C18orf63: variants seen among roughly 807,000 people sequenced by gnomAD.
The protein encoded by C18orf63 is chromosome 18 open reading frame 63.
Under a neutral mutation model 75.3 loss-of-function variants are expected in C18orf63, and 50 were observed. That is an observed-to-expected ratio of 0.66 (90% CI 0.53 to 0.84). The LOEUF is 0.84. Ranked by LOEUF, C18orf63 falls within the 40% of genes least tolerant of loss-of-function variation. C18orf63 has a pLI of 0.00. For synonymous variants in C18orf63, 232 were observed against 267.6 expected, an observed-to-expected ratio of 0.87 and a Z score of 1.30; for missense variants, 732 against 800.2, an observed-to-expected ratio of 0.91 and a Z score of 1.03.
chr18:74,335,633 T>A (rs533225851), intron 7 of C18orf63, among the ~76,000 whole-genome samples: 41 of 152,262 alleles, frequency 2.7e-4, no homozygotes, highest in African/African-American at 9.9e-4. Flanking sequence ...TTAAACTGTT[T>A]GCTTTGAAAT....
intron 13 of C18orf63, among the ~76,000 whole-genome samples, chr18:74,355,582 A>T (rs924353478): frequency 2.6e-5 from 4 of 152,060 alleles, no homozygotes; most frequent in Admixed American, 2.6e-4. Flanking sequence ...GGAGTTCCAG[A>T]CCAGCCTGGG....
intron 3 of C18orf63, among the ~76,000 whole-genome samples, chr18:74,320,793 A>T (rs1984107926): frequency 6.6e-6 from 1 of 152,168 alleles, no homozygotes; most frequent in African/African-American, 2.4e-5. Flanking sequence ...TTCTAATTTA[A>T]CATTTATTTT....
rs1317703179 is a variant in C18orf63, at chr18:74,341,124, C to T, written c.612-908C>T. Among the ~76,000 whole-genome samples the T allele has an allele frequency of 6.6e-5, 10 of 151,360 alleles. No homozygotes were observed. The East Asian group carries it at 1.8e-3, about 27-fold the overall frequency. On this transcript the variant is annotated intron_variant, in intron 8 of 13. Transcript: ENST00000579455. ...CTAAAAATACAAAAAATTAGCCGGGCGTAGTGGTGGGCGCCTGTAGTCCCA... is the reference window on the plus strand; with the variant it reads ...CTAAAAATACAAAAAATTAGCCGGGTGTAGTGGTGGGCGCCTGTAGTCCCA...
Position 74,353,283 on chromosome 18 carries a change from A to G in C18orf63, c.1016A>G (p.Lys339Arg), listed in dbSNP as rs1199948801. 3 of 1,536,150 alleles carry G rather than the reference A, an allele frequency of 2.0e-6. No homozygotes were observed. Among genetic ancestry groups the G allele is most frequent in the East Asian group, 2.4e-5 (1 of 40,914 alleles). ...AAGCCACCCAATTTGACCACTAAAA[A>G]AATGCTTAGGGCATCTCTGACTCAA... ...KVKPPNLTTKKMLRASLTQAT... is the reference protein window; with the variant it reads ...KVKPPNLTTKRMLRASLTQAT... Residue 339 changes from lysine to arginine, a missense_variant, in exon 12 of 14, where the codon AAA (lysine) becomes AGA (arginine). By Grantham distance (26) the Lys-to-Arg change is conservative (BLOSUM62 2). Coordinates refer to ENST00000579455, the MANE Select transcript of C18orf63 (RefSeq NM_001174123.2).
chr18:74,333,547 G>A (rs577408045), intron 7 of C18orf63, among the ~76,000 whole-genome samples: 3 of 152,324 alleles, frequency 2.0e-5, no homozygotes, highest in East Asian at 1.9e-4. Context: ...AGAGAAAAGT[G>A]CAGAGCAAAG....
In C18orf63 at chr18:74,354,362, A is replaced by G. The variant is rs942171699; in HGVS notation, c.2001+94A>G. On this transcript the variant is annotated intron_variant, in intron 12 of 13. Coordinates refer to ENST00000579455, the MANE Select transcript of C18orf63 (RefSeq NM_001174123.2). ...AAATGATTTCCCTAAGATCATTTAG[A>G]ACCATACTAATTAATAAACAGAATA... 5.4e-6 allele frequency: 7 copies of G among 1,289,418 alleles called. No individual in the cohort carries two copies. In the East Asian group the frequency reaches 1.5e-4, roughly 28 times the overall value. The allele number at this position is 1,289,418 out of a possible 1,614,324, so 79.9% of individuals were successfully genotyped here. A position where few individuals can be genotyped will look rare whatever the true frequency, so the allele number is the denominator to read the frequency against.
At chr18:74,343,329 A>G (rs1459796706) in intron 10 of C18orf63, among the ~76,000 whole-genome samples, 190 bp from the exon 11 acceptor site, 1 of 152,190 alleles carries the variant, frequency 6.6e-6, no homozygotes, top group Non-Finnish European at 1.5e-5. Context: ...ATGTTAGAAT[A>G]GAAGGAATGA....
intron 11 of C18orf63, among the ~76,000 whole-genome samples, chr18:74,346,540 C>A (rs1984578738): frequency 6.6e-6 from 1 of 152,192 alleles, no homozygotes; most frequent in Non-Finnish European, 1.5e-5. Context: ...CCATTGACAT[C>A]TTTAAAACAG....
At chr18:74,355,981 C>A (rs1270681388) in intron 13 of C18orf63, among the ~76,000 whole-genome samples, 1 of 151,924 alleles carries the variant, frequency 6.6e-6, no homozygotes, top group Non-Finnish European at 1.5e-5. Context: ...ATTGCTTGAG[C>A]CTGGGAGGTA....
chr18:74,316,842 T>G (rs527600479), intron 1 of C18orf63, among the ~76,000 whole-genome samples: 1 of 152,318 alleles, frequency 6.6e-6, no homozygotes, highest in Admixed American at 6.5e-5. Flanking sequence ...AATTAAACAA[T>G]AGTAATAATT....
chr18:74,336,960 C>A (rs942354549), intron 7 of C18orf63, among the ~76,000 whole-genome samples: 2 of 152,030 alleles, frequency 1.3e-5, no homozygotes, highest in African/African-American at 2.4e-5. Flanking sequence ...CTAATTCAGA[C>A]TCTCTTTTTT....
Position 74,358,860 on chromosome 18 carries a change from A to C in C18orf63, c.*2413A>C, listed in dbSNP as rs1984815832. ...TTGGTTGCTTACTATATTTGTTTTT[A>C]TTTTTATTATATATCATAATTACAC... On this transcript the variant is annotated 3_prime_UTR_variant, in exon 14 of 14. Coordinates refer to ENST00000579455, the MANE Select transcript of C18orf63 (RefSeq NM_001174123.2). 6.6e-6 allele frequency: 1 copy of C among 151,864 alleles called. No individual in the cohort carries two copies. Among genetic ancestry groups the C allele is most frequent in the Admixed American group, 6.6e-5 (1 of 15,238 alleles). The allele number at this position is 151,864 out of a possible 1,614,324, so 9.4% of individuals were successfully genotyped here.
intron 7 of C18orf63, among the ~76,000 whole-genome samples, chr18:74,332,684 G>T (rs1984329478): frequency 6.7e-6 from 1 of 150,326 alleles, no homozygotes; most frequent in African/African-American, 2.5e-5. Context: ...ACTCCAGTCT[G>T]GGCTACAGAA....
intron 9 of C18orf63, 51 bp from the exon 10 acceptor site, chr18:74,342,190 C>T: frequency 7.0e-7 from 1 of 1,435,520 alleles, no homozygotes; most frequent in Non-Finnish European, 9.5e-7. Context: ...TGTAACTTAA[C>T]CTAAGTTTAG....
chr18:74,319,358 C>T (rs1056713613), intron 2 of C18orf63, among the ~76,000 whole-genome samples: 9 of 152,198 alleles, frequency 5.9e-5, no homozygotes, highest in African/African-American at 2.2e-4. Flanking sequence ...ACCTTGGTTC[C>T]AACAAATATG....
intron 10 of C18orf63, among the ~76,000 whole-genome samples, 181 bp downstream of exon 10, chr18:74,342,507 T>G (rs1984505822): frequency 6.6e-6 from 1 of 152,200 alleles, no homozygotes. Flanking sequence ...ATCTTCCTAT[T>G]TTTATTTGAG....
At chr18:74,323,882 A>C (rs562663727) in intron 4 of C18orf63, among the ~76,000 whole-genome samples, 1 of 152,236 alleles carries the variant, frequency 6.6e-6, no homozygotes, top group Non-Finnish European at 1.5e-5. Context: ...AAATATGCAC[A>C]CATTAAGTGA....
chr18:74,331,049 T>C (rs186239538), intron 7 of C18orf63, 107 bp downstream of exon 7: 1 of 410,520 alleles, frequency 2.4e-6, no homozygotes, highest in Non-Finnish European at 4.1e-6. Context: ...TAAAGCGTGC[T>C]AGAAAGGTTT....
At chr18:74,334,698 T>C (rs1460669369) in intron 7 of C18orf63, among the ~76,000 whole-genome samples, 1 of 152,042 alleles carries the variant, frequency 6.6e-6, no homozygotes, top group Non-Finnish European at 1.5e-5. Flanking sequence ...ATGTTTCTGG[T>C]TTCTCTTCCC....
Sources: allele counts gnomAD v4.1 joint callset (sites outside exome capture counted in the v4.1 genomes callset), GRCh38; gene constraint gnomAD v4.1.1; transcripts MANE v1.5; gene names NCBI Gene and HGNC (gene_info 2026-07-23, HGNC 2026-07-21).